NBAS: variants seen among roughly 807,000 people sequenced by gnomAD.
NBAS encodes the protein NBAS subunit of NRZ tethering complex.
In NBAS, 219 loss-of-function variants were observed where a neutral mutation model predicts 302.5. The ratio of observed to expected loss-of-function variants is 0.72; its 90% CI spans 0.65 to 0.81. The LOEUF is 0.81. Among genes scored for constraint, NBAS ranks in the 30% least tolerant of loss-of-function variants. The pLI, the probability that NBAS is intolerant of heterozygous loss-of-function variation, is 0.00. For synonymous variants in NBAS, 1,118 were observed against 1,021.6 expected (o/e 1.09, Z -1.80); for missense variants, 2,932 against 2,841.6 (o/e 1.03, Z -0.72).
the NBAS span, among the ~76,000 whole-genome samples, chr2:14,843,806 C>T: frequency 2.6e-5 from 4 of 152,122 alleles, no homozygotes; most frequent in East Asian, 3.8e-4. Context: ...CTTGGTGCTG[C>T]CCTATCACAG....
the NBAS span, among the ~76,000 whole-genome samples, chr2:14,821,495 C>T: frequency 2.6e-5 from 4 of 152,290 alleles, no homozygotes; most frequent in Admixed American, 1.3e-4. Flanking sequence ...ACCTTGCCCA[C>T]CTTGCCTCCT....
rs373198338 is a variant in NBAS at position 15,363,362 on chromosome 2, G to A, written c.3817+3218C>T. On this transcript the variant is annotated intron_variant, in intron 32 of 51. Transcript: ENST00000281513. ...CTCAGTCTCTTTCATAACCTCATTT[G>A]GATGCATTCCTTTCTCTTATGTTAT... Among the ~76,000 whole-genome samples, 17 of 152,240 alleles carry A rather than the reference G, an allele frequency of 1.1e-4. No individual in the cohort carries two copies. In the South Asian group the frequency reaches 2.1e-3, roughly 19 times the overall value.
chr2:15,122,405 C>G, the NBAS span, among the ~76,000 whole-genome samples: 1 of 152,084 alleles, frequency 6.6e-6, no homozygotes, highest in South Asian at 2.1e-4. Context: ...AGGGGGAAGT[C>G]CCAGACTCTT....
chr2:15,002,678 C>T, the NBAS span, among the ~76,000 whole-genome samples: 8 of 152,198 alleles, frequency 5.3e-5, no homozygotes, highest in Admixed American at 5.2e-4. Context: ...GAGCCCTGCC[C>T]GGCGGGAAGG....
At chr2:15,366,511 A>T in intron 32 of NBAS, 69 bp downstream of exon 32, 1 of 1,402,932 alleles carries the variant, frequency 7.1e-7, no homozygotes. Flanking sequence ...ATATTCTGCT[A>T]TTGTCCTGCA....
the NBAS span, among the ~76,000 whole-genome samples, chr2:15,055,420 C>T: frequency 1.3e-5 from 2 of 152,178 alleles, no homozygotes; most frequent in African/African-American, 2.4e-5. Flanking sequence ...CCTATTCATG[C>T]TCCTCTCCTC....
chr2:15,312,958 C>A (rs1280190148), intron 38 of NBAS, among the ~76,000 whole-genome samples: 4 of 152,210 alleles, frequency 2.6e-5, no homozygotes, highest in Non-Finnish European at 5.9e-5. Context: ...GCTGCTCTAC[C>A]TGATGCCTTC....
At chr2:15,517,066 T>C (rs1412221766) in intron 9 of NBAS, among the ~76,000 whole-genome samples, 2 of 151,938 alleles carry the variant, frequency 1.3e-5, no homozygotes, top group Non-Finnish European at 2.9e-5. Flanking sequence ...AAGGAAACTA[T>C]AGAGAAATTC....
intron 19 of NBAS, among the ~76,000 whole-genome samples, chr2:15,463,464 T>C (rs1679592558): frequency 6.6e-6 from 1 of 152,138 alleles, no homozygotes; most frequent in Non-Finnish European, 1.5e-5. Flanking sequence ...TACTAAGTGG[T>C]ATTTTAACTA....
At chr2:15,111,022 T>C in the NBAS span, among the ~76,000 whole-genome samples, 5 of 152,256 alleles carry the variant, frequency 3.3e-5, no homozygotes, top group African/African-American at 1.2e-4. Context: ...CATATTTGAT[T>C]CAGTGGTACC....
intron 42 of NBAS, among the ~76,000 whole-genome samples, chr2:15,280,248 CA>C (rs892474296): frequency 3.3e-5 from 5 of 151,968 alleles, no homozygotes; most frequent in Non-Finnish European, 7.4e-5. Context: ...GTAAGAAAAA[CA>C]AATTTATTTA....
chr2:15,001,849 G>A, the NBAS span, among the ~76,000 whole-genome samples: 2 of 152,150 alleles, frequency 1.3e-5, no homozygotes, highest in African/African-American at 4.8e-5. Context: ...AAAGCAGTGT[G>A]GACCCAAAGA....
intron 28 of NBAS, among the ~76,000 whole-genome samples, chr2:15,390,487 A>G (rs1476985814): frequency 6.6e-6 from 1 of 152,206 alleles, no homozygotes; most frequent in Non-Finnish European, 1.5e-5. Context: ...GATACAAAGT[A>G]GCAGATATGT....
At chr2:15,005,293 C>T in the NBAS span, among the ~76,000 whole-genome samples, 1 of 152,252 alleles carries the variant, frequency 6.6e-6, no homozygotes, top group African/African-American at 2.4e-5. Flanking sequence ...CTTACTCGCT[C>T]CCCAACATCC....
chr2:15,287,966 C>T (rs1210551073), intron 41 of NBAS, among the ~76,000 whole-genome samples: 3 of 152,082 alleles, frequency 2.0e-5, no homozygotes, highest in African/African-American at 4.8e-5. Context: ...GCCCGAGCAC[C>T]GTGCGTAGGC....
chr2:15,273,693 C>G (rs1306287558), intron 44 of NBAS, among the ~76,000 whole-genome samples: 1 of 152,176 alleles, frequency 6.6e-6, no homozygotes, highest in African/African-American at 2.4e-5. Flanking sequence ...AACCACACAG[C>G]TGATAAGTGA....
chr2:14,847,605 T>C, the NBAS span, among the ~76,000 whole-genome samples: 2 of 151,588 alleles, frequency 1.3e-5, no homozygotes, highest in Non-Finnish European at 2.9e-5. Flanking sequence ...TAAATATATA[T>C]GCACCCAACA....
the NBAS span, among the ~76,000 whole-genome samples, chr2:15,028,985 C>A: frequency 1.3e-5 from 2 of 152,164 alleles, no homozygotes; most frequent in Non-Finnish European, 2.9e-5. Context: ...CACCTGGAAT[C>A]ATACCTGGAC....
chr2:15,056,077 A>G, the NBAS span, among the ~76,000 whole-genome samples: 1 of 140,988 alleles, frequency 7.1e-6, no homozygotes, highest in African/African-American at 2.7e-5. Context: ...CAATTATATT[A>G]TATTTTTTAG....
Sources: gnomAD v4.1 joint callset for allele counts (sites outside exome capture counted in the v4.1 genomes callset) on GRCh38, gnomAD v4.1.1 for gene constraint, MANE v1.5 for transcripts, NCBI Gene and HGNC (gene_info 2026-07-23, HGNC 2026-07-21) for gene names.